DNAJC15: variants seen among roughly 807,000 people sequenced by gnomAD.
DNAJC15 encodes dnaJ homolog subfamily C member 15.
Under a neutral mutation model 22.4 loss-of-function variants are expected in DNAJC15, and 27 were observed. The observed-to-expected ratio is 1.20, with a 90% confidence interval of 0.89 to 1.66. DNAJC15 has a LOEUF of 1.66. Among genes scored for constraint, DNAJC15 ranks in the 40% most tolerant of loss-of-function variants. The probability of loss-of-function intolerance (pLI) is 0.00; values close to 1 mark genes in which losing one functional copy is unlikely to be tolerated. For synonymous variants in DNAJC15, 79 were observed against 63.2 expected, an observed-to-expected ratio of 1.25 and a Z score of -1.19; for missense variants, 208 against 187.1, an observed-to-expected ratio of 1.11 and a Z score of -0.65.
intron 1 of DNAJC15, among the ~76,000 whole-genome samples, chr13:43,054,590 T>A (rs776936036): frequency 6.6e-6 from 1 of 152,208 alleles, no homozygotes; most frequent in African/African-American, 2.4e-5. Context: ...CTTATTGTTA[T>A]TGGTATGTTC....
intron 5 of DNAJC15, among the ~76,000 whole-genome samples, chr13:43,091,064 A>G (rs1468966303): frequency 6.6e-6 from 1 of 151,460 alleles, no homozygotes; most frequent in Non-Finnish European, 1.5e-5. Context: ...TACAGATTCA[A>G]TTTATTTTAT....
At chr13:43,082,892 G>GTA (rs1253271165) in intron 4 of DNAJC15, among the ~76,000 whole-genome samples, 8 of 150,286 alleles carry the variant, frequency 5.3e-5, no homozygotes, top group East Asian at 2.0e-4. Context: ...GTATATGTGT[G>GTA]TATATATATG....
intron 3 of DNAJC15, among the ~76,000 whole-genome samples, chr13:43,070,045 T>A (rs1301729943): frequency 6.6e-6 from 1 of 152,194 alleles, no homozygotes; most frequent in Non-Finnish European, 1.5e-5. Flanking sequence ...TAGTTCATGA[T>A]CATAAAACCA....
intron 4 of DNAJC15, among the ~76,000 whole-genome samples, chr13:43,084,425 C>T (rs566091629): frequency 3.3e-5 from 5 of 151,974 alleles, no homozygotes; most frequent in African/African-American, 7.3e-5. Context: ...GCAAGACATA[C>T]TTTCACAGCT....
intron 1 of DNAJC15, among the ~76,000 whole-genome samples, chr13:43,047,335 TCTC>T (rs1458134460): frequency 6.6e-6 from 1 of 152,128 alleles, no homozygotes; most frequent in East Asian, 1.9e-4. Flanking sequence ...AGTAGAAAGA[TCTC>T]CTGAGTACTA....
chr13:43,082,281 G>T (rs1009618371), intron 4 of DNAJC15, among the ~76,000 whole-genome samples: 1 of 152,040 alleles, frequency 6.6e-6, no homozygotes, highest in African/African-American at 2.4e-5. Flanking sequence ...ATTCTAGGGA[G>T]GTGTTTGAAA....
In DNAJC15 at chr13:43,035,762, C is replaced by T. The variant is rs187046598; in HGVS notation, c.108+12028C>T. On this transcript the variant is annotated intron_variant, in intron 1 of 5. Coordinates refer to ENST00000379221, the MANE Select transcript of DNAJC15 (RefSeq NM_013238.3). ...TTGAGACAGGATCTTGCTCTGTCTC[C>T]CAGGCTGGTGTACAGTGGCGTGATC... Among the ~76,000 whole-genome samples, 50 of 151,728 alleles carry T rather than the reference C, an allele frequency of 3.3e-4. No individual in the cohort carries two copies. The East Asian group carries it at 9.7e-3, about 29-fold the overall frequency.
At chr13:43,049,078 C>G (rs1029784177) in intron 1 of DNAJC15, among the ~76,000 whole-genome samples, 1 of 152,062 alleles carries the variant, frequency 6.6e-6, no homozygotes, top group Admixed American at 6.5e-5. Flanking sequence ...AATATACTTA[C>G]TTTTTTAAAT....
At chr13:43,025,084 G>C (rs1479321076) in intron 1 of DNAJC15, among the ~76,000 whole-genome samples, 5 of 151,716 alleles carry the variant, frequency 3.3e-5, no homozygotes, top group Non-Finnish European at 7.4e-5. Flanking sequence ...AAATGAGGCA[G>C]TAGAGATTTA....
At chr13:43,074,135 T>C (rs903133137) in intron 3 of DNAJC15, among the ~76,000 whole-genome samples, 1 of 152,192 alleles carries the variant, frequency 6.6e-6, no homozygotes, top group Non-Finnish European at 1.5e-5. Context: ...CATAATAAAG[T>C]TTATAGTTTA....
chr13:43,039,942 A>G (rs1322041541), intron 1 of DNAJC15, among the ~76,000 whole-genome samples: 1 of 152,146 alleles, frequency 6.6e-6, no homozygotes, highest in East Asian at 1.9e-4. Context: ...TTGGTTGTAC[A>G]CGGGAAGTGG....
At chr13:43,087,570 A>G (rs1035572630) in intron 5 of DNAJC15, among the ~76,000 whole-genome samples, 1 of 152,168 alleles carries the variant, frequency 6.6e-6, no homozygotes, top group African/African-American at 2.4e-5. Flanking sequence ...TCTTCTTGGA[A>G]TCCTTCAACA....
chr13:43,041,918 G>A (rs2040455908), intron 1 of DNAJC15, among the ~76,000 whole-genome samples: 1 of 152,250 alleles, frequency 6.6e-6, no homozygotes, highest in Admixed American at 6.5e-5. Context: ...GTTTTGAAGT[G>A]TGGCCTGGGA....
At chr13:43,075,082 A>G (rs905029283) in intron 3 of DNAJC15, among the ~76,000 whole-genome samples, 1 of 152,168 alleles carries the variant, frequency 6.6e-6, no homozygotes, top group African/African-American at 2.4e-5. Flanking sequence ...AGTGTGTAAC[A>G]TAGCAATTTT....
chr13:43,026,471 G>C (rs1234804733), intron 1 of DNAJC15, among the ~76,000 whole-genome samples: 2 of 152,152 alleles, frequency 1.3e-5, no homozygotes, highest in African/African-American at 4.8e-5. Flanking sequence ...TGTCCCTAAG[G>C]GGTTGTTCTG....
intron 1 of DNAJC15, among the ~76,000 whole-genome samples, chr13:43,045,627 T>C (rs1017650918): frequency 4.6e-5 from 7 of 152,140 alleles, no homozygotes; most frequent in Non-Finnish European, 1.0e-4. Context: ...AAGTCATGAG[T>C]TGATTTTTAA....
In DNAJC15 at chr13:43,078,734, T is replaced by C. The variant is rs898500925; in HGVS notation, c.311+46T>C. 3.2e-6 allele frequency: 5 copies of C among 1,567,332 alleles called. No individual in the cohort carries two copies. The African/African-American group carries it at 4.1e-5, about 13-fold the overall frequency. ...TTGTTTTGTTGTGTGGCCAAGCTTG[T>C]CTTTAAAAAAGAGAAAACGTTACAA... is the stretch of plus-strand genomic sequence containing the variant. On this transcript the variant is annotated intron_variant, in intron 4 of 5. Coordinates refer to ENST00000379221, the MANE Select transcript of DNAJC15 (RefSeq NM_013238.3).
chr13:43,080,042 A>G (rs1271384521), intron 4 of DNAJC15, among the ~76,000 whole-genome samples: 1 of 152,158 alleles, frequency 6.6e-6, no homozygotes, highest in Non-Finnish European at 1.5e-5. Flanking sequence ...TAAATTATAT[A>G]ATATATGTGA....
intron 1 of DNAJC15, among the ~76,000 whole-genome samples, chr13:43,045,843 CA>C (rs1299320698): frequency 6.6e-6 from 1 of 152,164 alleles, no homozygotes; most frequent in Non-Finnish European, 1.5e-5. Flanking sequence ...TTCCATAGCA[CA>C]AATCACTGCG....
Sources: gnomAD v4.1 joint callset for allele counts (sites outside exome capture counted in the v4.1 genomes callset) on GRCh38, gnomAD v4.1.1 for gene constraint, MANE v1.5 for transcripts, NCBI Gene and HGNC (gene_info 2026-07-23, HGNC 2026-07-21) for gene names.